DMD: variants seen among roughly 807,000 people sequenced by gnomAD.
DMD encodes the protein dystrophin.
DMD carries 63 observed loss-of-function variants against 330.1 expected under a neutral mutation model. The observed-to-expected ratio is 0.19, with a 90% CI of 0.16 to 0.24. The LOEUF is 0.24. Ranked by LOEUF, DMD falls within the 10% of genes least tolerant of loss-of-function variation. DMD has a pLI of 1.00. For synonymous variants in DMD, 1,223 were observed against 959.8 expected (o/e 1.27, Z -5.07); for missense variants, 3,344 against 2,684.1 (o/e 1.25, Z -5.43).
At chrX:31,666,289 T>C (rs2081422856) in intron 53 of DMD, among the ~76,000 whole-genome samples, 1 of 111,901 alleles carries the variant, frequency 8.9e-6, no homozygotes, top group Admixed American at 9.5e-5. Flanking sequence ...TGGTTTTGTC[T>C]ACTGGTCACT....
chrX:32,067,255 G>A (rs2096265470), intron 44 of DMD, among the ~76,000 whole-genome samples: 1 of 111,501 alleles, frequency 9.0e-6, no homozygotes, highest in Non-Finnish European at 1.9e-5. Flanking sequence ...TCTCCGACAT[G>A]ACTTGATACA....
intron 70 of DMD, chrX:31,178,383 A>G: frequency 1.0e-6 from 1 of 955,334 alleles, no homozygotes. Context: ...AAACAGTCCC[A>G]TATTTCTTAT....
At chrX:33,255,616 C>A (rs2052843566) in intron 1 of DMD, among the ~76,000 whole-genome samples, 1 of 110,953 alleles carries the variant, frequency 9.0e-6, no homozygotes, top group Non-Finnish European at 1.9e-5. Context: ...GCTTCAATAA[C>A]TGCAAAGCCT....
At chrX:31,243,259 C>G (rs956044650) in intron 63 of DMD, among the ~76,000 whole-genome samples, 2 of 111,863 alleles carry the variant, frequency 1.8e-5, no homozygotes, top group Admixed American at 9.5e-5. Flanking sequence ...AGGACAGCCA[C>G]TGTAATTTAG....
intron 5 of DMD, among the ~76,000 whole-genome samples, 172 bp from the exon 6 acceptor site, chrX:32,816,812 T>C (rs1286491794): frequency 2.7e-5 from 3 of 111,377 alleles, no homozygotes; most frequent in African/African-American, 9.8e-5. Flanking sequence ...AGGCTAGGAG[T>C]CTATTCTGAT....
At chrX:33,199,243 T>C (rs1248527678) in intron 1 of DMD, among the ~76,000 whole-genome samples, 1 of 111,441 alleles carries the variant, frequency 9.0e-6, no homozygotes, top group Non-Finnish European at 1.9e-5. Context: ...AAGGCTGCTG[T>C]ATTCCTAGTG....
intron 55 of DMD, among the ~76,000 whole-genome samples, chrX:31,558,241 G>A (rs928617377): frequency 3.6e-5 from 4 of 111,535 alleles, no homozygotes; most frequent in African/African-American, 1.3e-4. Flanking sequence ...TTACGTTGCT[G>A]GAAGGTAGAG....
At chrX:32,036,305 C>T (rs1041034449) in intron 44 of DMD, among the ~76,000 whole-genome samples, 1 of 111,205 alleles carries the variant, frequency 9.0e-6, no homozygotes, top group African/African-American at 3.3e-5. Context: ...GACTGAAATT[C>T]CAGAGTCTAG....
chrX:32,237,398 C>T (rs184721981), intron 43 of DMD, among the ~76,000 whole-genome samples: 1,587 of 109,989 alleles, frequency 0.014, 18 homozygotes, highest in Non-Finnish European at 0.023. Flanking sequence ...GCACTATTTT[C>T]TTCTCCAATC....
chrX:31,475,653 G>C (rs964583826), intron 59 of DMD, among the ~76,000 whole-genome samples: 3 of 111,783 alleles, frequency 2.7e-5, no homozygotes, highest in Non-Finnish European at 3.8e-5. Context: ...TAAAATACTA[G>C]GTAATACATT....
At chrX:31,490,184 G>A (rs1023227432) in intron 57 of DMD, among the ~76,000 whole-genome samples, 20 of 112,008 alleles carry the variant, frequency 1.8e-4, no homozygotes, top group African/African-American at 5.8e-4. Flanking sequence ...TTCCTCCAAC[G>A]CGGCTAAAAA....
intron 13 of DMD, among the ~76,000 whole-genome samples, chrX:32,594,216 T>C (rs1452160554): frequency 8.9e-6 from 1 of 111,890 alleles, no homozygotes; most frequent in Non-Finnish European, 1.9e-5. Flanking sequence ...GCATCTCTCT[T>C]CCTTATTGGA....
At chrX:32,268,910 C>A (rs1257416874) in intron 43 of DMD, among the ~76,000 whole-genome samples, 1 of 108,941 alleles carries the variant, frequency 9.2e-6, no homozygotes, top group Non-Finnish European at 1.9e-5. Context: ...CCCCCCACCC[C>A]CGCCACCCCA....
chrX:32,526,066 C>T (rs748911105), intron 17 of DMD, among the ~76,000 whole-genome samples: 1 of 111,807 alleles, frequency 8.9e-6, no homozygotes, highest in East Asian at 2.8e-4. Context: ...AATCAGTCCA[C>T]TAATATATTC....
chrX:31,190,109 G>A (rs990236958), intron 67 of DMD, among the ~76,000 whole-genome samples: 2 of 111,872 alleles, frequency 1.8e-5, no homozygotes, highest in African/African-American at 6.5e-5. Context: ...AAATGATGCC[G>A]TACCCCAGAG....
At chrX:31,911,981 G>A (rs913840584) in intron 47 of DMD, among the ~76,000 whole-genome samples, 5 of 111,425 alleles carry the variant, frequency 4.5e-5, no homozygotes, top group African/African-American at 1.6e-4. Context: ...CTTATTCTAC[G>A]CCAACAACAA....
chrX:31,680,953 T>C (rs2082347891), intron 52 of DMD, among the ~76,000 whole-genome samples: 1 of 111,624 alleles, frequency 9.0e-6, no homozygotes, highest in Admixed American at 9.5e-5. Context: ...CTGATAGACA[T>C]TCTAGATTCT....
At chrX:32,112,665 G>T (rs1342338476) in intron 44 of DMD, among the ~76,000 whole-genome samples, 1 of 111,849 alleles carries the variant, frequency 8.9e-6, no homozygotes, top group East Asian at 2.8e-4. Flanking sequence ...AAAACAATAG[G>T]GCAGAGGATA....
intron 77 of DMD, among the ~76,000 whole-genome samples, chrX:31,128,004 A>C (rs1420984773): frequency 9.0e-6 from 1 of 110,933 alleles, no homozygotes; most frequent in Non-Finnish European, 1.9e-5. Flanking sequence ...AAAGAGGGAG[A>C]AAAATGGGTA....
Sources: gnomAD v4.1 joint callset for allele counts (sites outside exome capture counted in the v4.1 genomes callset) on GRCh38, gnomAD v4.1.1 for gene constraint, MANE v1.5 for transcripts, NCBI Gene and HGNC (gene_info 2026-07-23, HGNC 2026-07-21) for gene names.